PLAAT2: variants seen among roughly 807,000 people sequenced by gnomAD.
PLAAT2 encodes phospholipase A and acyltransferase 2.
In PLAAT2, 12 loss-of-function variants were observed where a neutral mutation model predicts 12.8. The ratio of observed to expected loss-of-function variants is 0.94; its 90% CI spans 0.60 to 1.52. PLAAT2 has a LOEUF of 1.52. PLAAT2 is among the 40% of genes most tolerant of loss of function. The pLI is 0.00. For missense variants in PLAAT2, 166 were observed against 208.1 expected, an observed-to-expected ratio of 0.80 and a Z score of 1.24; for synonymous variants, 79 against 86.8, an observed-to-expected ratio of 0.91 and a Z score of 0.50.
chr11:63,563,715 CAAA>C (rs35852892), upstream of PLAAT2, among the ~76,000 whole-genome samples: 1 of 56,138 alleles, frequency 1.8e-5, no homozygotes. Flanking sequence ...GAGACTCAGT[CAAA>C]AAAAAAAAAA....
chr11:63,559,592 A>C (rs1374050638), intron 2 of PLAAT2, among the ~76,000 whole-genome samples: 4 of 115,894 alleles, frequency 3.5e-5, no homozygotes, highest in South Asian at 6.4e-4. Flanking sequence ...TTGGCCTCTA[A>C]AGGGGACCCC....
In PLAAT2 at chr11:63,558,372, G is replaced by A. The variant is rs746226646; in HGVS notation, c.387+20C>T. On this transcript the variant is annotated intron_variant, in intron 3 of 3. Coordinates refer to ENST00000255695, the MANE Select transcript of PLAAT2 (RefSeq NM_017878.2). ...GGAGTGGCCTGGCTCCTGGGAAGGG[G>A]ATGCAGGCTGAAGATGCACCTGGTC... 1 of 1,610,096 alleles carries A rather than the reference G, an allele frequency of 6.2e-7. No individual in the cohort carries two copies. The highest frequency in any genetic ancestry group is 8.5e-7 in the Non-Finnish European group (1 of 1,177,054).
Position 63,555,035 on chromosome 11 carries a change from C to T in PLAAT2, c.388-1970G>A, listed in dbSNP as rs940285460. Among the ~76,000 whole-genome samples, 91 of 152,208 alleles carry T rather than the reference C, an allele frequency of 6.0e-4. 1 individual carries two copies. The highest frequency in any genetic ancestry group is 1.8e-3 in the African/African-American group (73 of 41,528). On this transcript the variant is annotated intron_variant, in intron 3 of 3. Transcript: ENST00000255695. The stretch of plus-strand genomic sequence containing the variant: ...ATGGAGGAGTAGGGAGACGGGTGAG[C>T]GAGGGCTCATAGAGTCAGGGAGGTG...
intron 3 of PLAAT2, among the ~76,000 whole-genome samples, chr11:63,555,484 T>C (rs1590669256): frequency 6.6e-6 from 1 of 152,156 alleles, no homozygotes; most frequent in East Asian, 1.9e-4. Context: ...GCCCAGAAGA[T>C]TGAGACCAGT....
upstream of PLAAT2, among the ~76,000 whole-genome samples, chr11:63,564,233 A>G (rs1486877389): frequency 6.6e-6 from 1 of 152,122 alleles, no homozygotes; most frequent in African/African-American, 2.4e-5. Context: ...TTCCACACCA[A>G]ATGGAAACCA....
chr11:63,556,473 C>T (rs532093504), intron 3 of PLAAT2, among the ~76,000 whole-genome samples: 80 of 152,178 alleles, frequency 5.3e-4, no homozygotes, highest in African/African-American at 1.9e-3. Context: ...CAGCCCACCC[C>T]CAATCCCCTT....
chr11:63,564,370 G>A (rs1448749343), upstream of PLAAT2, among the ~76,000 whole-genome samples: 5 of 148,528 alleles, frequency 3.4e-5, no homozygotes, highest in Non-Finnish European at 7.5e-5. Flanking sequence ...AAACTGGACA[G>A]GAAGGGGTGG....
chr11:63,553,168 C>T (rs1175345019), intron 3 of PLAAT2, 103 bp from the exon 4 acceptor site: 1 of 689,112 alleles, frequency 1.5e-6, no homozygotes, highest in African/African-American at 1.8e-5. Flanking sequence ...GCCCAGTCCT[C>T]TTCATTTGAA....
intron 1 of PLAAT2, 58 bp downstream of exon 1, chr11:63,563,258 C>T: frequency 6.2e-7 from 1 of 1,604,142 alleles, no homozygotes; most frequent in Middle Eastern, 1.7e-4. Flanking sequence ...ACATAATCAT[C>T]ACTAATAGGG....
intron 3 of PLAAT2, among the ~76,000 whole-genome samples, chr11:63,553,809 T>C (rs2134367337): frequency 6.6e-6 from 1 of 152,232 alleles, no homozygotes; most frequent in East Asian, 1.9e-4. Context: ...TACACAGGCT[T>C]GAGGGCAGGG....
upstream of PLAAT2, chr11:63,563,413 C>T (rs2017536150): frequency 6.5e-7 from 1 of 1,541,872 alleles, no homozygotes; most frequent in Admixed American, 1.7e-5. Flanking sequence ...TGACCCAGCC[C>T]ATATACAACT....
At chr11:63,555,191 A>G (rs1250215845) in intron 3 of PLAAT2, among the ~76,000 whole-genome samples, 3 of 152,190 alleles carry the variant, frequency 2.0e-5, no homozygotes, top group African/African-American at 7.2e-5. Flanking sequence ...CCTGATGATT[A>G]TATTTCAAAG....
At chr11:63,560,018 C>T (rs1255501485) in intron 2 of PLAAT2, 67 bp downstream of exon 2, 5 of 1,093,206 alleles carry the variant, frequency 4.6e-6, no homozygotes, top group East Asian at 4.8e-5. Context: ...AGGACAAGCA[C>T]GTAACTGTGC....
In PLAAT2 at chr11:63,553,058, C is replaced by G; in HGVS notation, c.395G>C (p.Gly132Ala). ...YGVSRSDQVT[G>A]AVTTVGVAAG... ...TGCCACACCTACTGTCGTGACTGCACCAGTGACCTGCAGCAGAAGAGAAGG... is the reference window on the plus strand; with the variant it reads ...TGCCACACCTACTGTCGTGACTGCAGCAGTGACCTGCAGCAGAAGAGAAGG... The change falls in exon 4 of 4, where the codon GGT (glycine) becomes GCT (alanine). Residue 132 changes from glycine to alanine, a missense_variant. Transcript: ENST00000255695. 1.2e-6 allele frequency: 2 copies of G among 1,610,678 alleles called. No individual in the cohort carries two copies. The highest frequency in any genetic ancestry group is 1.7e-6 in the Non-Finnish European group (2 of 1,177,370).
chr11:63,564,724 C>T (rs1272137459), upstream of PLAAT2, among the ~76,000 whole-genome samples: 3 of 152,148 alleles, frequency 2.0e-5, no homozygotes, highest in African/African-American at 7.2e-5. Context: ...GCCCCATTGT[C>T]CAGAGACCTC....
chr11:63,553,023 G>A lies in PLAAT2; in HGVS notation c.430C>T (p.Leu144=), dbSNP rs755267948. Residue 144 remains leucine, a synonymous_variant, in exon 4 of 4, where the codon CTG becomes TTG. Transcript: ENST00000255695. ...VTTVGVAAGL[L]AAASLVGILL... ...ATCCCCACAAGGCTTGCGGCAGCCA[G>A]CAGGCCTGCTGCCACACCTACTGTC... The A allele has an allele frequency of 6.2e-7, 1 of 1,613,872 alleles. No individual in the cohort carries two copies.
rs1181565449 is a variant in PLAAT2 at position 63,558,493 on chromosome 11, C to T, written c.286G>A (p.Ala96Thr). The change falls in exon 3 of 4, where the codon GCA becomes ACA. Residue 96 changes from alanine to threonine, a missense_variant. Physicochemically the swap from Ala to Thr is moderately conservative, Grantham distance 58 (BLOSUM62 0). Coordinates refer to ENST00000255695, the MANE Select transcript of PLAAT2 (RefSeq NM_017878.2). ...PLPSNKIVKRAEELVGQELPY... is the reference protein window; with the variant it reads ...PLPSNKIVKRTEELVGQELPY... ...AACTCCTGCCCCACCAACTCCTCTG[C>T]CCGCTTGACGATTTTGTTGGAAGGC... 7 of 1,614,248 alleles carry T rather than the reference C, an allele frequency of 4.3e-6. No homozygotes were observed. The highest frequency in any genetic ancestry group is 1.3e-5 in the African/African-American group (1 of 75,066).
At chr11:63,558,185 T>A (rs1054568566) in intron 3 of PLAAT2, among the ~76,000 whole-genome samples, 1 of 152,156 alleles carries the variant, frequency 6.6e-6, no homozygotes, top group Admixed American at 6.5e-5. Context: ...CCCAACCCAC[T>A]GCACTGGTCT....
chr11:63,561,811 CT>C (rs1172758347), intron 1 of PLAAT2, among the ~76,000 whole-genome samples: 1 of 151,690 alleles, frequency 6.6e-6, no homozygotes, highest in Non-Finnish European at 1.5e-5. Context: ...AAAGTAAAGC[CT>C]TTGACTAGAG....
Sources: gnomAD v4.1 joint callset for allele counts (sites outside exome capture counted in the v4.1 genomes callset) on GRCh38, gnomAD v4.1.1 for gene constraint, MANE v1.5 for transcripts, NCBI Gene and HGNC (gene_info 2026-07-23, HGNC 2026-07-21) for gene names.